ATP10A: variants seen among roughly 807,000 people sequenced by gnomAD.
ATP10A encodes the protein ATPase phospholipid transporting 10A (putative).
In ATP10A, 111 loss-of-function variants were observed where a neutral mutation model predicts 147.8. The ratio of observed to expected loss-of-function variants is 0.75; its 90% confidence interval spans 0.64 to 0.88. The LOEUF (loss-of-function observed/expected upper bound fraction) is 0.88, where lower values mean the gene tolerates loss of function less well. ATP10A is among the 40% of genes least tolerant of loss of function. ATP10A has a pLI of 0.00. For missense variants in ATP10A, 1,927 were observed against 1,959.0 expected (o/e 0.98, Z 0.31); for synonymous variants, 875 against 841.6 (o/e 1.04, Z -0.69).
rs558723019 is a variant in ATP10A, at chr15:25,781,062, G to C, written c.611C>G (p.Thr204Ser). 74 of 1,614,166 alleles carry C rather than the reference G, an allele frequency of 4.6e-5. No homozygotes were observed. The East Asian group carries it at 1.6e-3, about 35-fold the overall frequency. ...HIETANLDGE[T>S]NLKRRQVVRG... is the part of the protein sequence containing the mutation. ...GACCACCTGCCGCCGCTTCAGGTTG[G>C]TCTCTCCATCCAGGTTGGCGGTCTC... The change falls in exon 2 of 21, where the codon ACC becomes AGC. Residue 204 changes from threonine (T) to serine (S), a missense_variant. Physicochemically the swap from Thr to Ser is moderately conservative, Grantham distance 58. Transcript: ENST00000555815.
intron 1 of ATP10A, chr15:25,848,824 C>A (rs898669742): frequency 2.0e-5 from 3 of 153,512 alleles, no homozygotes; most frequent in African/African-American, 7.3e-5. Flanking sequence ...CTTTCATTCC[C>A]CTTTCTCATG....
rs558264317 is a variant in ATP10A, at chr15:25,832,955, A to G, written c.449+29693T>C. ...AAATGTGTATAATTGTTATGTGTCA[A>G]TTACATTTTTTTAATCTATTTTATT... On this transcript the variant is annotated intron_variant, in intron 1 of 20. Transcript: ENST00000555815. Among the ~76,000 whole-genome samples, 3 of 150,504 alleles carry G rather than the reference A, an allele frequency of 2.0e-5. No homozygotes were observed. The South Asian group carries it at 6.4e-4, about 32-fold the overall frequency.
intron 2 of ATP10A, among the ~76,000 whole-genome samples, chr15:25,740,230 A>G (rs1046677724): frequency 2.0e-5 from 3 of 152,228 alleles, no homozygotes; most frequent in Admixed American, 6.5e-5. Flanking sequence ...TTTACAGTCC[A>G]TTAAAGAGGA....
intron 2 of ATP10A, among the ~76,000 whole-genome samples, chr15:25,769,530 C>CCATAA (rs1179231414): frequency 1.4e-5 from 2 of 145,068 alleles, no homozygotes; most frequent in East Asian, 4.2e-4. Context: ...CATATACTAA[C>CCATAA]CATAACCATC....
intron 6 of ATP10A, 67 bp downstream of exon 6, chr15:25,723,824 A>G: frequency 7.2e-7 from 1 of 1,386,334 alleles, no homozygotes; most frequent in Non-Finnish European, 9.7e-7. Context: ...TTCTGAACAG[A>G]GTATGATGAT....
intron 9 of ATP10A, 48 bp from the exon 10 acceptor site, chr15:25,714,289 C>A (rs1236934215): frequency 1.3e-6 from 2 of 1,562,114 alleles, no homozygotes; most frequent in East Asian, 2.3e-5. Flanking sequence ...GCTATGTCCC[C>A]CAGAGGCCCC....
chr15:25,835,949 G>C (rs972709589), intron 1 of ATP10A, among the ~76,000 whole-genome samples: 5 of 152,214 alleles, frequency 3.3e-5, no homozygotes, highest in Non-Finnish European at 5.9e-5. Context: ...GAGTAGCTGG[G>C]ACCACAGGTG....
intron 1 of ATP10A, among the ~76,000 whole-genome samples, chr15:25,834,863 G>T (rs1482508461): frequency 6.6e-6 from 1 of 152,154 alleles, no homozygotes; most frequent in Non-Finnish European, 1.5e-5. Flanking sequence ...CAGTTACAAA[G>T]GACCATGTAT....
At position 25,834,947 on chromosome 15, in the gene ATP10A, A is replaced by T. The variant is rs78002150; in HGVS notation, c.449+27701T>A. On this transcript the variant is annotated intron_variant, in intron 1 of 20. Transcript: ENST00000555815. ...AGGATTAGGAGGTGACAGCTAAGGA[A>T]TATGGGGCTCATTTTTCTGCTAAAA... Among the ~76,000 whole-genome samples the T allele has an allele frequency of 8.9e-3, 1,360 of 152,252 alleles. 43 individuals carry two copies. The highest frequency in any genetic ancestry group is 0.054 in the Admixed American group (821 of 15,290).
chr15:25,781,659 A>T (rs1331732631), intron 1 of ATP10A, among the ~76,000 whole-genome samples: 2 of 149,922 alleles, frequency 1.3e-5, no homozygotes, highest in East Asian at 3.9e-4. Context: ...CGTCTCAAAA[A>T]AAAAGAAGGA....
At chr15:25,752,431 TG>T (rs2140587280) in intron 2 of ATP10A, among the ~76,000 whole-genome samples, 1 of 152,310 alleles carries the variant, frequency 6.6e-6, no homozygotes, top group East Asian at 1.9e-4. Flanking sequence ...CACTTATATG[TG>T]GAATCTAAAG....
chr15:25,757,610 A>G (rs1888491711), intron 2 of ATP10A, among the ~76,000 whole-genome samples: 1 of 152,224 alleles, frequency 6.6e-6, no homozygotes. Context: ...ATGAGAAAAA[A>G]GGTGTAAGTA....
intron 2 of ATP10A, among the ~76,000 whole-genome samples, chr15:25,757,481 T>C (rs1356147526): frequency 6.6e-6 from 1 of 152,114 alleles, no homozygotes; most frequent in Admixed American, 6.5e-5. Context: ...TAGAAGGATA[T>C]ATTTTATGTT....
chr15:25,685,796 C>T (rs1453575605), intron 16 of ATP10A, among the ~76,000 whole-genome samples: 2 of 149,108 alleles, frequency 1.3e-5, no homozygotes, highest in African/African-American at 5.0e-5. Flanking sequence ...TGCACTCCAA[C>T]CTGGGCAACA....
intron 3 of ATP10A, among the ~76,000 whole-genome samples, chr15:25,727,525 A>G (rs1474157273): frequency 3.3e-5 from 5 of 152,124 alleles, no homozygotes; most frequent in Admixed American, 2.0e-4. Context: ...TTTGTTTTGC[A>G]GATAGACTTG....
chr15:25,811,812 G>A (rs1853546952), intron 1 of ATP10A, among the ~76,000 whole-genome samples: 1 of 152,194 alleles, frequency 6.6e-6, no homozygotes, highest in Admixed American at 6.5e-5. Context: ...CCAGATGGAT[G>A]TGGGCTTGTC....
intron 2 of ATP10A, among the ~76,000 whole-genome samples, chr15:25,759,343 C>G (rs1162186157): frequency 1.3e-5 from 2 of 152,020 alleles, no homozygotes; most frequent in Non-Finnish European, 2.9e-5. Context: ...TAGGTTTGTG[C>G]AAGATTAATC....
intron 1 of ATP10A, among the ~76,000 whole-genome samples, chr15:25,824,264 C>T (rs775091141): frequency 1.8e-4 from 28 of 151,914 alleles, no homozygotes; most frequent in Non-Finnish European, 2.8e-4. Flanking sequence ...ATTACTTGAG[C>T]CCAGGAGTTC....
intron 1 of ATP10A, among the ~76,000 whole-genome samples, chr15:25,801,541 C>T (rs1890940755): frequency 6.6e-6 from 1 of 152,194 alleles, no homozygotes; most frequent in Non-Finnish European, 1.5e-5. Flanking sequence ...GTCCTGGGGG[C>T]AGGTGCGATG....
Sources: allele counts gnomAD v4.1 joint callset (sites outside exome capture counted in the v4.1 genomes callset), GRCh38; gene constraint gnomAD v4.1.1; transcripts MANE v1.5; gene names NCBI Gene and HGNC (gene_info 2026-07-23, HGNC 2026-07-21).